The following RASEF variants were observed in gnomAD, a reference collection of about 807,000 sequenced individuals.
RASEF encodes the protein RAS and EF-hand domain containing, also known as ras and EF-hand domain-containing protein.
RASEF carries 68 observed loss-of-function variants against 90.1 expected under a neutral mutation model. That is an observed-to-expected ratio of 0.75 (90% CI 0.62 to 0.92). The LOEUF is 0.92. RASEF is among the 40% of genes least tolerant of loss of function. RASEF has a pLI of 0.00. For synonymous variants in RASEF, 331 were observed against 345.2 expected (o/e 0.96, Z 0.46); for missense variants, 949 against 937.2 (o/e 1.01, Z -0.16).
the RASEF span, among the ~76,000 whole-genome samples, chr9:83,211,000 T>C: frequency 6.6e-6 from 1 of 152,262 alleles, no homozygotes; most frequent in Non-Finnish European, 1.5e-5. Context: ...TTTCATACTT[T>C]ACAACATAGC....
chr9:83,100,761 G>A, the RASEF span, among the ~76,000 whole-genome samples: 1 of 152,068 alleles, frequency 6.6e-6, no homozygotes, highest in Admixed American at 6.5e-5. Context: ...TCTGACACAG[G>A]GAAGAGAGGA....
At chr9:83,076,053 AG>A in the RASEF span, among the ~76,000 whole-genome samples, 2 of 151,996 alleles carry the variant, frequency 1.3e-5, no homozygotes, top group Non-Finnish European at 2.9e-5. Context: ...CTGTAATCCC[AG>A]CTACTCTGGA....
chr9:83,150,109 C>A, the RASEF span, among the ~76,000 whole-genome samples: 1 of 152,202 alleles, frequency 6.6e-6, no homozygotes, highest in East Asian at 1.9e-4. Flanking sequence ...AGTTGTGCAG[C>A]ACTGTACTCA....
At chr9:83,085,818 G>A in the RASEF span, among the ~76,000 whole-genome samples, 3,179 of 152,042 alleles carry the variant, frequency 0.021, 91 homozygotes, top group African/African-American at 0.072. Flanking sequence ...CCAGCTACTC[G>A]GTGGGCTAAG....
At chr9:83,124,869 A>C in the RASEF span, among the ~76,000 whole-genome samples, 2 of 152,226 alleles carry the variant, frequency 1.3e-5, no homozygotes, top group South Asian at 4.2e-4. Flanking sequence ...TGCATTCCAA[A>C]CCCAGGGGTA....
chr9:83,142,280 G>A, the RASEF span, among the ~76,000 whole-genome samples: 5 of 152,136 alleles, frequency 3.3e-5, no homozygotes, highest in African/African-American at 1.2e-4. Context: ...GAAATTTTTG[G>A]AGAATTTTAA....
chr9:83,031,499 A>G (rs1423887237), intron 1 of RASEF, among the ~76,000 whole-genome samples: 7 of 152,188 alleles, frequency 4.6e-5, no homozygotes, highest in Admixed American at 3.9e-4. Context: ...TTTACTGAGG[A>G]GGAGACTTAG....
chr9:83,122,011 G>A, the RASEF span, among the ~76,000 whole-genome samples: 1 of 152,162 alleles, frequency 6.6e-6, no homozygotes, highest in African/African-American at 2.4e-5. Flanking sequence ...AATTAATGCA[G>A]ATACAGTATT....
the RASEF span, among the ~76,000 whole-genome samples, chr9:83,078,883 C>CT: frequency 6.6e-6 from 1 of 152,154 alleles, no homozygotes; most frequent in Non-Finnish European, 1.5e-5. Context: ...CCTTTGCCCA[C>CT]TTTTTAATGC....
Position 83,063,008 on chromosome 9 carries a change from T to A in RASEF, c.-141A>T. 3.3e-6 allele frequency: 3 copies of A among 913,788 alleles called. No homozygotes were observed. Among genetic ancestry groups the A allele is most frequent in the Non-Finnish European group, 3.0e-6 (2 of 661,210 alleles). 56.6% of individuals were successfully genotyped at this position (913,788 alleles called of 1,614,324 possible). A position where few individuals can be genotyped will look rare whatever the true frequency, so the allele number is the denominator to read the frequency against. On this transcript the variant is annotated 5_prime_UTR_variant, in exon 1 of 17. Transcript: ENST00000376447. ...GCTGGTTCGGCCACTTGAGGGAACGTCGGGCGGGGCGAGGAACGTCGGGGG... is the reference window on the plus strand; with the variant it reads ...GCTGGTTCGGCCACTTGAGGGAACGACGGGCGGGGCGAGGAACGTCGGGGG...
the RASEF span, among the ~76,000 whole-genome samples, chr9:83,075,895 C>T: frequency 6.6e-6 from 1 of 151,996 alleles, no homozygotes; most frequent in Non-Finnish European, 1.5e-5. Flanking sequence ...GCCGGCAGGG[C>T]ACGGTGGCTC....
chr9:83,000,814 T>A, intron 10 of RASEF, 82 bp downstream of exon 10: 1 of 1,233,790 alleles, frequency 8.1e-7, no homozygotes, highest in South Asian at 1.3e-5. Context: ...AAAACAGATT[T>A]CCATGACAGA....
intron 16 of RASEF, among the ~76,000 whole-genome samples, chr9:82,988,655 A>G (rs1432512973): frequency 6.6e-6 from 1 of 151,986 alleles, no homozygotes; most frequent in East Asian, 1.9e-4. Flanking sequence ...CTGGTTGTTT[A>G]AAAGAGAGTA....
At chr9:83,174,404 A>T in the RASEF span, among the ~76,000 whole-genome samples, 2 of 151,968 alleles carry the variant, frequency 1.3e-5, no homozygotes, top group South Asian at 4.1e-4. Context: ...TATTTAAAAG[A>T]CTATTCTTTC....
chr9:83,001,098 CA>C lies in RASEF; in HGVS notation c.1234del (p.Cys412ValfsTer32). The C allele has an allele frequency of 6.2e-7, 1 of 1,614,076 alleles. No individual in the cohort carries two copies. ...SSRSSYVDEDCDSLALCDPLQ... is the reference protein window; with the variant it reads ...SSRSSYVDEDXDSLALCDPLQ... The stretch of plus-strand genomic sequence containing the variant: ...AGGATCACAGAGGGCCAGGGAGTCA[CA>C]GTCCTCATCCACATAGGAAGAGCGG... On this transcript the variant is annotated frameshift_variant, in exon 10 of 17. Coordinates refer to ENST00000376447, the MANE Select transcript of RASEF (RefSeq NM_152573.4). LOFTEE classifies it high-confidence loss of function.
At chr9:83,082,641 G>T in the RASEF span, among the ~76,000 whole-genome samples, 1 of 152,088 alleles carries the variant, frequency 6.6e-6, no homozygotes, top group Admixed American at 6.6e-5. Flanking sequence ...AAACAGAAAG[G>T]CAAACTTCAA....
At chr9:83,122,876 T>G in the RASEF span, among the ~76,000 whole-genome samples, 3 of 152,256 alleles carry the variant, frequency 2.0e-5, no homozygotes, top group Admixed American at 2.0e-4. Flanking sequence ...TGCGAAGAGA[T>G]GAGTGGCAGC....
chr9:83,152,064 T>C, the RASEF span, among the ~76,000 whole-genome samples: 6 of 152,068 alleles, frequency 3.9e-5, no homozygotes, highest in Non-Finnish European at 8.8e-5. Context: ...AAGACTATGA[T>C]CTCCTTGAGA....
upstream of RASEF, among the ~76,000 whole-genome samples, chr9:83,067,962 A>C (rs930014322): frequency 1.3e-5 from 2 of 152,084 alleles, no homozygotes; most frequent in African/African-American, 4.8e-5. Context: ...TGCAGCCTCA[A>C]CCTCCCTGGA....
Sources: allele counts gnomAD v4.1 joint callset (sites outside exome capture counted in the v4.1 genomes callset), GRCh38; gene constraint gnomAD v4.1.1; transcripts MANE v1.5; gene names NCBI Gene and HGNC (gene_info 2026-07-23, HGNC 2026-07-21).